HAT1: variants seen among roughly 807,000 people sequenced by gnomAD.
HAT1 encodes histone acetyltransferase type B catalytic subunit.
HAT1 carries 20 observed loss-of-function variants against 56.6 expected under a neutral mutation model. The observed-to-expected ratio is 0.35, with a 90% CI of 0.25 to 0.51. HAT1 has a LOEUF of 0.51. Ranked by LOEUF, HAT1 falls within the 20% of genes least tolerant of loss-of-function variation. HAT1 has a pLI of 0.95. For missense variants in HAT1, 408 were observed against 504.3 expected (o/e 0.81, Z 1.83); for synonymous variants, 146 against 165.5 (o/e 0.88, Z 0.91).
chr2:171,968,065 G>A (rs868321462), intron 8 of HAT1, among the ~76,000 whole-genome samples: 3 of 152,176 alleles, frequency 2.0e-5, no homozygotes, highest in East Asian at 3.9e-4. Flanking sequence ...GGGAAAGCAC[G>A]TTGTCTTTAA....
rs1234808933 is a variant in HAT1 at position 171,977,542 on chromosome 2, TATATATATATA to T, written c.975+1235_975+1245del. 1.3e-3 allele frequency among the ~76,000 whole-genome samples: 19 copies of T among 14,178 alleles called. No individual in the cohort carries two copies. In the East Asian group the frequency reaches 0.032, roughly 24 times the overall value. The allele number at this position is 14,178 out of a possible 152,430, so 9.3% of individuals were successfully genotyped here. A position where few individuals can be genotyped will look rare whatever the true frequency, so the allele number is the denominator to read the frequency against. On this transcript the variant is annotated intron_variant, in intron 9 of 10. Coordinates refer to ENST00000264108, the MANE Select transcript of HAT1 (RefSeq NM_003642.4). ...GCATATGAATATATATATATATATATATATATATATATATATTTTTTTTTTTTTTTTTTTTT... is the reference window on the plus strand; with the variant it reads ...GCATATGAATATATATATATATATATTATATTTTTTTTTTTTTTTTTTTTT...
intron 2 of HAT1, among the ~76,000 whole-genome samples, chr2:171,934,266 G>T (rs1686811965): frequency 6.6e-6 from 1 of 152,180 alleles, no homozygotes; most frequent in African/African-American, 2.4e-5. Flanking sequence ...TATCAGAGAA[G>T]GGGGAAATAA....
intron 8 of HAT1, among the ~76,000 whole-genome samples, chr2:171,974,217 AAAAG>A (rs1293090897): frequency 1.9e-4 from 18 of 96,428 alleles, no homozygotes; most frequent in Non-Finnish European, 2.5e-4. Flanking sequence ...GAAAAAAAAA[AAAAG>A]AAATATCTCC....
rs752217030 is a variant in HAT1, at chr2:171,965,546, T to TA, written c.489+32dup. 19 of 1,368,360 alleles carry TA rather than the reference T, an allele frequency of 1.4e-5. No homozygotes were observed. The African/African-American group carries it at 2.0e-4, about 15-fold the overall frequency. The allele number at this position is 1,368,360 out of a possible 1,614,324, so 84.8% of individuals were successfully genotyped here. On this transcript the variant is annotated intron_variant, in intron 5 of 10. Coordinates refer to ENST00000264108, the MANE Select transcript of HAT1 (RefSeq NM_003642.4). Reference sequence around the variant, plus strand: ...AAGATAAATCTAAATATTTATTGAGTAAAGTTCTATTTGCCTGAAACCTGT... The same window carrying TA: ...AAGATAAATCTAAATATTTATTGAGTAAAAGTTCTATTTGCCTGAAACCTGT...
intron 4 of HAT1, among the ~76,000 whole-genome samples, chr2:171,955,454 T>C (rs1687416525): frequency 6.6e-6 from 1 of 150,702 alleles, no homozygotes; most frequent in South Asian, 2.1e-4. Flanking sequence ...CTACTAAAAA[T>C]ACAAAAATTA....
intron 3 of HAT1, among the ~76,000 whole-genome samples, chr2:171,950,491 T>A (rs920757696): frequency 6.6e-6 from 1 of 150,596 alleles, no homozygotes; most frequent in African/African-American, 2.4e-5. Context: ...ATATTTAATG[T>A]GTGGCTTTTT....
chr2:171,982,630 T>C (rs1179880676), intron 10 of HAT1, among the ~76,000 whole-genome samples: 1 of 152,214 alleles, frequency 6.6e-6, no homozygotes, highest in African/African-American at 2.4e-5. Flanking sequence ...TATGATAATG[T>C]ATGTCTGGAA....
At chr2:171,934,864 T>G (rs1322315030) in intron 2 of HAT1, among the ~76,000 whole-genome samples, 1 of 149,860 alleles carries the variant, frequency 6.7e-6, no homozygotes, top group Non-Finnish European at 1.5e-5. Context: ...CAAGTGCTTC[T>G]CCTGCCTCAG....
intron 8 of HAT1, among the ~76,000 whole-genome samples, chr2:171,974,207 G>GAA (rs202160940): frequency 8.4e-5 from 6 of 71,104 alleles, no homozygotes; most frequent in African/African-American, 1.3e-4. Flanking sequence ...AAAAGAAAAA[G>GAA]AAAAAAAAAA....
intron 2 of HAT1, among the ~76,000 whole-genome samples, chr2:171,927,092 A>G (rs1378548380): frequency 1.3e-5 from 2 of 152,240 alleles, no homozygotes; most frequent in African/African-American, 2.4e-5. Flanking sequence ...CAGAAAAGAC[A>G]CATCCATAGA....
chr2:171,949,310 C>T (rs1687245671), intron 3 of HAT1, among the ~76,000 whole-genome samples: 1 of 152,074 alleles, frequency 6.6e-6, no homozygotes, highest in Non-Finnish European at 1.5e-5. Context: ...TTCCCAGGCT[C>T]AAGCAGATCT....
At chr2:171,974,195 A>AAAAAAAAG (rs1687899647) in intron 8 of HAT1, among the ~76,000 whole-genome samples, 2 of 57,090 alleles carry the variant, frequency 3.5e-5, no homozygotes, top group East Asian at 3.2e-4. Context: ...AAAAAAAAGA[A>AAAAAAAAG]AAAAAGAAAA....
At chr2:171,929,779 CT>C (rs895863371) in intron 2 of HAT1, among the ~76,000 whole-genome samples, 3 of 152,180 alleles carry the variant, frequency 2.0e-5, no homozygotes, top group African/African-American at 4.8e-5. Context: ...TACATCTGGA[CT>C]TTTCTCATTC....
intron 9 of HAT1, 60 bp from the exon 10 acceptor site, chr2:171,979,187 T>C: frequency 1.3e-6 from 1 of 781,786 alleles, no homozygotes; most frequent in East Asian, 2.5e-5. Flanking sequence ...TGTGTTCTTT[T>C]GGGAAAGTGT....
intron 2 of HAT1, among the ~76,000 whole-genome samples, chr2:171,943,544 T>A (rs1182852963): frequency 1.3e-5 from 2 of 150,992 alleles, no homozygotes. Flanking sequence ...TTATGAAACA[T>A]TTTAAACACA....
At chr2:171,939,619 AT>A (rs921317585) in intron 2 of HAT1, among the ~76,000 whole-genome samples, 30 of 152,268 alleles carry the variant, frequency 2.0e-4, no homozygotes, top group Middle Eastern at 3.4e-3. Context: ...ATCTGTGTCC[AT>A]TTCCTCACAG....
intron 8 of HAT1, among the ~76,000 whole-genome samples, chr2:171,967,585 T>C (rs909904382): frequency 1.3e-5 from 2 of 152,068 alleles, no homozygotes; most frequent in African/African-American, 4.8e-5. Flanking sequence ...TTAGATGGAG[T>C]TTCAGATAAT....
chr2:171,932,799 G>A (rs1011099015), intron 2 of HAT1, among the ~76,000 whole-genome samples: 1 of 152,194 alleles, frequency 6.6e-6, no homozygotes, highest in African/African-American at 2.4e-5. Context: ...AGCCGGAGAG[G>A]TGGAGGTTAC....
Position 171,976,293 on chromosome 2 carries a change from G to A in HAT1, c.960G>A (p.Lys320=). The A allele has an allele frequency of 1.3e-6, 2 of 1,564,806 alleles. No individual in the cohort carries two copies. Among genetic ancestry groups the A allele is most frequent in the East Asian group, 4.6e-5 (2 of 43,316 alleles). The stretch of plus-strand genomic sequence containing the variant: ...ATATGGTGATAGAGGCACAACAGAA[G>A]TTCAAAATAAATAAGGTATTTTTAT... ...NEDMVIEAQQ[K]FKINKQHARR... Residue 320 remains lysine (K), a synonymous_variant, in exon 9 of 11, where the codon AAG becomes AAA. Coordinates refer to ENST00000264108, the MANE Select transcript of HAT1 (RefSeq NM_003642.4).
Sources: allele counts gnomAD v4.1 joint callset (sites outside exome capture counted in the v4.1 genomes callset), GRCh38; gene constraint gnomAD v4.1.1; transcripts MANE v1.5; gene names NCBI Gene and HGNC (gene_info 2026-07-23, HGNC 2026-07-21).